Variants in ZNF618 observed in about 807,000 individuals in gnomAD.
ZNF618 encodes neural precursor cell expressed, developmentally down-regulated 10.
In ZNF618, 34 loss-of-function variants were observed where a neutral mutation model predicts 103.0. That is an observed-to-expected ratio of 0.33 (90% CI 0.25 to 0.44). The LOEUF (loss-of-function observed/expected upper bound fraction) is 0.44. Ranked by LOEUF, ZNF618 falls within the 20% of genes least tolerant of loss-of-function variation. The pLI, the probability that ZNF618 is intolerant of heterozygous loss-of-function variation, is 1.00. For missense variants in ZNF618, 1,059 were observed against 1,295.4 expected, an observed-to-expected ratio of 0.82 and a Z score of 2.80; for synonymous variants, 551 against 542.2, an observed-to-expected ratio of 1.02 and a Z score of -0.23.
At chr9:114,036,412 C>T in intron 13 of ZNF618, 35 bp downstream of exon 13, 3 of 1,550,624 alleles carry the variant, frequency 1.9e-6, no homozygotes, top group Non-Finnish European at 8.7e-7. Context: ...CCCTCTCCTT[C>T]CTCAGTTCCT....
At chr9:113,886,811 G>A (rs1829110245) in intron 1 of ZNF618, among the ~76,000 whole-genome samples, 1 of 151,976 alleles carries the variant, frequency 6.6e-6, no homozygotes, top group South Asian at 2.1e-4. Context: ...TAGTTGAAAT[G>A]TGGGTAGTTA....
At chr9:113,951,892 C>T (rs1310804443) in intron 1 of ZNF618, among the ~76,000 whole-genome samples, 5 of 152,024 alleles carry the variant, frequency 3.3e-5, no homozygotes. Flanking sequence ...CAAGTTGCCA[C>T]CGCAAAGCCT....
rs1274626134 is a variant in ZNF618 at position 113,999,685 on chromosome 9, T to C, written c.433+1331T>C. Among the ~76,000 whole-genome samples, 9 of 152,354 alleles carry C rather than the reference T, an allele frequency of 5.9e-5. No individual in the cohort carries two copies. In the East Asian group the frequency reaches 1.5e-3, roughly 26 times the overall value. On this transcript the variant is annotated intron_variant, in intron 4 of 14. Transcript: ENST00000374126. ...TACTCCACTGACTTGGGCCCCCCAC[T>C]GCAGTTGGGCCAGGGTCCTGCCTCT...
Position 114,052,223 on chromosome 9 carries a change from C to G in ZNF618, c.*2056C>G, listed in dbSNP as rs1380775967. Reference sequence around the variant, plus strand: ...AGTGTTTGGGGGCCAAGCCTGCACACTTTGCCTCATGAGAACTCACCCAGC... The same window carrying G: ...AGTGTTTGGGGGCCAAGCCTGCACAGTTTGCCTCATGAGAACTCACCCAGC... On this transcript the variant is annotated 3_prime_UTR_variant, in exon 15 of 15. Coordinates refer to ENST00000374126, the MANE Select transcript of ZNF618 (RefSeq NM_001318042.2). The G allele has an allele frequency of 1.3e-5, 2 of 152,688 alleles. No individual in the cohort carries two copies. Among genetic ancestry groups the G allele is most frequent in the African/African-American group, 4.8e-5 (2 of 41,446 alleles). 9.5% of individuals were successfully genotyped at this position (152,688 alleles called of 1,614,324 possible). A position where few individuals can be genotyped will look rare whatever the true frequency, so the allele number is the denominator to read the frequency against.
chr9:114,028,670 CGAGAGGCCA>C (rs1309706326), intron 10 of ZNF618, 54 bp from the exon 11 acceptor site: 1 of 1,507,744 alleles, frequency 6.6e-7, no homozygotes, highest in African/African-American at 1.4e-5. Flanking sequence ...GCTGGTGGCC[CGAGAGGCCA>C]CTCACTCTGC....
intron 10 of ZNF618, among the ~76,000 whole-genome samples, chr9:114,019,911 C>T (rs1253189381): frequency 6.6e-5 from 10 of 152,116 alleles, no homozygotes; most frequent in Admixed American, 6.6e-4. Context: ...TCAAGGATAT[C>T]CTTGCCTACC....
intron 1 of ZNF618, among the ~76,000 whole-genome samples, chr9:113,959,307 A>G (rs1437328440): frequency 6.6e-6 from 1 of 152,154 alleles, no homozygotes; most frequent in Non-Finnish European, 1.5e-5. Context: ...AAAGTGTTTT[A>G]AAAAATAAAA....
chr9:113,903,567 A>G (rs1830730724), intron 1 of ZNF618, among the ~76,000 whole-genome samples: 1 of 151,970 alleles, frequency 6.6e-6, no homozygotes, highest in African/African-American at 2.4e-5. Context: ...TGATATTCCC[A>G]GTTTTCTGGC....
Position 113,909,945 on chromosome 9 carries a change from C to T in ZNF618, c.33+33532C>T, listed in dbSNP as rs528113154. On this transcript the variant is annotated intron_variant, in intron 1 of 14. Coordinates refer to ENST00000374126, the MANE Select transcript of ZNF618 (RefSeq NM_001318042.2). ...GATTATAGGCGTGTGTTACTATGCT[C>T]GGCTAATTTTTGTATTTTTAATAGA... Among the ~76,000 whole-genome samples, 5 of 152,116 alleles carry T rather than the reference C, an allele frequency of 3.3e-5. No homozygotes were observed. The South Asian group carries it at 6.2e-4, about 19-fold the overall frequency.
In ZNF618 at chr9:114,001,989, T is replaced by C; in HGVS notation, c.434-7T>C. On this transcript the variant is annotated splice_polypyrimidine_tract_variant and splice_region_variant and intron_variant, in intron 4 of 14. Transcript: ENST00000374126. ...GGTGACCAGTCCTTTCCTCTTCTGT[T>C]TTCCAGGGTCTTACGAATGCGGAAT... 6.2e-7 allele frequency: 1 copy of C among 1,613,704 alleles called. No homozygotes were observed. The highest frequency in any genetic ancestry group is 8.5e-7 in the Non-Finnish European group (1 of 1,179,638).
At chr9:114,038,531 C>T (rs530372517) in intron 13 of ZNF618, among the ~76,000 whole-genome samples, 1 of 152,306 alleles carries the variant, frequency 6.6e-6, no homozygotes, top group Admixed American at 6.5e-5. Context: ...CAGTTCACAG[C>T]GCCGACGATA....
At chr9:113,904,359 C>A (rs1272295891) in intron 1 of ZNF618, among the ~76,000 whole-genome samples, 2 of 151,922 alleles carry the variant, frequency 1.3e-5, no homozygotes, top group Non-Finnish European at 2.9e-5. Context: ...TTTATGATGG[C>A]TGTTTCAACA....
At chr9:114,019,400 T>C (rs1260030277) in intron 10 of ZNF618, among the ~76,000 whole-genome samples, 1 of 152,078 alleles carries the variant, frequency 6.6e-6, no homozygotes, top group African/African-American at 2.4e-5. Flanking sequence ...TATGTTTAAC[T>C]TTTTAATAAG....
At chr9:113,892,302 G>T (rs1356714257) in intron 1 of ZNF618, among the ~76,000 whole-genome samples, 1 of 152,080 alleles carries the variant, frequency 6.6e-6, no homozygotes, top group Non-Finnish European at 1.5e-5. Flanking sequence ...ATTATCTCTA[G>T]ATTATGTATA....
At chr9:113,915,061 C>T (rs1831943192) in intron 1 of ZNF618, among the ~76,000 whole-genome samples, 1 of 152,214 alleles carries the variant, frequency 6.6e-6, no homozygotes, top group Admixed American at 6.5e-5. Context: ...AAATCTTCTA[C>T]CTTACTTAGC....
chr9:113,973,573 T>C (rs2132933594), intron 2 of ZNF618, among the ~76,000 whole-genome samples: 2 of 152,310 alleles, frequency 1.3e-5, no homozygotes, highest in Middle Eastern at 6.8e-3. Context: ...ACAAGACCAG[T>C]GATCCCAGCA....
At chr9:113,919,503 G>T (rs1440396555) in intron 1 of ZNF618, among the ~76,000 whole-genome samples, 1 of 152,268 alleles carries the variant, frequency 6.6e-6, no homozygotes, top group Non-Finnish European at 1.5e-5. Flanking sequence ...AGGAAAACTG[G>T]CTGGCGGGCT....
chr9:113,899,027 C>T (rs1564144231), intron 1 of ZNF618, among the ~76,000 whole-genome samples: 2 of 152,104 alleles, frequency 1.3e-5, no homozygotes, highest in Non-Finnish European at 2.9e-5. Flanking sequence ...TGAGATGGTC[C>T]CTCATGATGT....
chr9:114,006,852 G>T (rs1287934169), intron 6 of ZNF618, among the ~76,000 whole-genome samples: 1 of 152,182 alleles, frequency 6.6e-6, no homozygotes, highest in South Asian at 2.1e-4. Flanking sequence ...TAGACTGAAG[G>T]CCTCACTGGC....
Sources: gnomAD v4.1 joint callset for allele counts (sites outside exome capture counted in the v4.1 genomes callset) on GRCh38, gnomAD v4.1.1 for gene constraint, MANE v1.5 for transcripts, NCBI Gene and HGNC (gene_info 2026-07-23, HGNC 2026-07-21) for gene names.